The following ZP3 variants were observed in gnomAD, a reference collection of about 807,000 sequenced individuals.
ZP3 encodes the protein zona pellucida sperm-binding protein 3.
In ZP3, 21 loss-of-function variants were observed where a neutral mutation model predicts 35.6. The ratio of observed to expected loss-of-function variants is 0.59; its 90% confidence interval spans 0.42 to 0.85. The LOEUF (loss-of-function observed/expected upper bound fraction) is 0.85. ZP3 is among the 40% of genes least tolerant of loss of function. ZP3 has a pLI of 0.00. For missense variants in ZP3, 437 were observed against 536.5 expected (o/e 0.81, Z 1.83); for synonymous variants, 207 against 214.5 (o/e 0.96, Z 0.31).
chr7:76,436,500 G>A (rs1407177552), intron 5 of ZP3, among the ~76,000 whole-genome samples: 1 of 152,272 alleles, frequency 6.6e-6, no homozygotes, highest in African/African-American at 2.4e-5. Context: ...GGCATTAAGG[G>A]ACAAAGTAGA....
chr7:76,402,157 C>G (rs1804852387), intron 1 of ZP3, among the ~76,000 whole-genome samples: 1 of 150,672 alleles, frequency 6.6e-6, no homozygotes, highest in South Asian at 2.1e-4. Flanking sequence ...ATAGCTGGGA[C>G]AAGCTCCTGC....
intron 1 of ZP3, chr7:76,404,498 T>C (rs1211840991): frequency 6.2e-7 from 1 of 1,612,268 alleles, no homozygotes; most frequent in Non-Finnish European, 8.5e-7. Context: ...AAGTCACAGT[T>C]GGAACATCTG....
intron 1 of ZP3, 98 bp from the exon 2 acceptor site, chr7:76,429,413 TTCTG>T (rs1291514530): frequency 4.9e-5 from 54 of 1,104,984 alleles, no homozygotes; most frequent in Non-Finnish European, 7.5e-5. Context: ...CCTGTGGTCT[TTCTG>T]TCCCCTTGTG....
At chr7:76,436,016 G>A (rs1202457603) in intron 5 of ZP3, among the ~76,000 whole-genome samples, 5 of 125,486 alleles carry the variant, frequency 4.0e-5, no homozygotes, top group African/African-American at 6.0e-5. Flanking sequence ...GAACCACCAC[G>A]CGCCCCCCGC....
chr7:76,398,764 A>C, intron 1 of ZP3: 1 of 1,613,404 alleles, frequency 6.2e-7, no homozygotes. Flanking sequence ...ACTGGTTAAC[A>C]TCTTCCTTGT....
chr7:76,404,314 CAGG>C lies in ZP3; in HGVS notation c.-67+6523_-67+6525del, dbSNP rs1563686222. The C allele has an allele frequency of 6.9e-6, 11 of 1,601,162 alleles. No homozygotes were observed. The South Asian group carries it at 1.2e-4, about 18-fold the overall frequency. ...TAACAGGGGAGGACTCACCCAGTGG[CAGG>C]AGGAGAAGGAAAGACAGGGCTTGGG... On this transcript the variant is annotated intron_variant, in intron 1 of 8. Transcript: ENST00000336517.
chr7:76,428,663 C>T lies in ZP3; in HGVS notation c.313-852C>T, dbSNP rs117798646. The T allele has an allele frequency of 8.7e-3, 1,326 of 152,490 alleles. 6 individuals are homozygous for T. Among genetic ancestry groups the T allele is most frequent in the Admixed American group, 0.014 (210 of 15,232 alleles). 9.4% of individuals were successfully genotyped at this position (152,490 alleles called of 1,614,324 possible). A position where few individuals can be genotyped will look rare whatever the true frequency, so the allele number is the denominator to read the frequency against. On this transcript the variant is annotated intron_variant, in intron 1 of 7. Coordinates refer to ENST00000394857, the MANE Select transcript of ZP3 (RefSeq NM_001110354.2). ...GAAATGGGCTTGAATAGGTTAGAAG[C>T]TGATGTGGGTTGTTGTGTTTTTTGT...
chr7:76,413,713 G>C (rs1475739534), intron 1 of ZP3, among the ~76,000 whole-genome samples: 1 of 151,986 alleles, frequency 6.6e-6, no homozygotes, highest in African/African-American at 2.4e-5. Context: ...GTTGCCCAGG[G>C]TGGAGTGTAG....
chr7:76,439,131 CA>C (rs775953355), intron 5 of ZP3, among the ~76,000 whole-genome samples: 384 of 75,430 alleles, frequency 5.1e-3, no homozygotes, highest in Middle Eastern at 7.2e-3. Context: ...GACTCCACCT[CA>C]AAAAAAAAAA....
intron 1 of ZP3, among the ~76,000 whole-genome samples, chr7:76,407,727 TG>T (rs1805085497): frequency 6.6e-6 from 1 of 152,074 alleles, no homozygotes; most frequent in Non-Finnish European, 1.5e-5. Flanking sequence ...AGTAAGACCC[TG>T]TCTCTAACTA....
intron 1 of ZP3, among the ~76,000 whole-genome samples, chr7:76,419,649 C>T (rs897217664): frequency 3.3e-5 from 5 of 149,734 alleles, no homozygotes; most frequent in African/African-American, 1.2e-4. Context: ...TTTCTTTTCT[C>T]TCTCTCTCTC....
chr7:76,411,013 A>AG (rs1554623387), intron 1 of ZP3, among the ~76,000 whole-genome samples: 4 of 131,140 alleles, frequency 3.1e-5, no homozygotes, highest in East Asian at 2.3e-4. Flanking sequence ...AAAAAAAAAA[A>AG]AAAAGAAAAG....
At chr7:76,420,863 T>A (rs1015110652), upstream of ZP3, among the ~76,000 whole-genome samples, 9 of 151,832 alleles carry the variant, frequency 5.9e-5, no homozygotes, top group African/African-American at 2.2e-4. Flanking sequence ...TTTATATTTA[T>A]GTCTATATAT....
At chr7:76,397,603 G>C (rs139299212) in exon 1 of ZP3, 2 of 1,607,554 alleles carry the variant, frequency 1.2e-6, no homozygotes, top group South Asian at 1.1e-5. Flanking sequence ...GGCGGGGCTC[G>C]CCGCCTTCGC....
intron 1 of ZP3, among the ~76,000 whole-genome samples, chr7:76,413,336 C>A (rs1308199513): frequency 6.6e-6 from 1 of 152,000 alleles, no homozygotes; most frequent in Non-Finnish European, 1.5e-5. Context: ...CTTACTGCAG[C>A]CTCAACCTCT....
exon 1 of ZP3, chr7:76,397,598 G>A: frequency 6.2e-7 from 1 of 1,608,520 alleles, no homozygotes; most frequent in South Asian, 1.1e-5. Flanking sequence ...TGCCAGGCGG[G>A]GCTCGCCGCC....
At chr7:76,397,911 C>T in intron 1 of ZP3, 5 of 1,386,884 alleles carry the variant, frequency 3.6e-6, no homozygotes, top group Non-Finnish European at 4.8e-6. Flanking sequence ...AGCCCGGTGT[C>T]CCAGGATCTA....
chr7:76,436,516 T>C (rs1193922613), intron 5 of ZP3, among the ~76,000 whole-genome samples: 1 of 152,260 alleles, frequency 6.6e-6, no homozygotes, highest in African/African-American at 2.4e-5. Flanking sequence ...GTAGAAACTT[T>C]TCAAAGATGA....
At position 76,401,825 on chromosome 7, in the gene ZP3, C is replaced by T. The variant is rs1034752673; in HGVS notation, c.-67+4028C>T. Among the ~76,000 whole-genome samples, 3 of 152,196 alleles carry T rather than the reference C, an allele frequency of 2.0e-5. No homozygotes were observed. The East Asian group carries it at 5.8e-4, about 29-fold the overall frequency. Reference sequence around the variant, plus strand: ...CCTCTGAATTCCTGGACACCACATACCCAGGCCTCTTTCAGGGCCTTCTCT... The same window carrying T: ...CCTCTGAATTCCTGGACACCACATATCCAGGCCTCTTTCAGGGCCTTCTCT... On this transcript the variant is annotated intron_variant, in intron 1 of 8. Coordinates refer to the ZP3 transcript ENST00000336517.
Sources: gnomAD v4.1 joint callset for allele counts (sites outside exome capture counted in the v4.1 genomes callset) on GRCh38, gnomAD v4.1.1 for gene constraint, MANE v1.5 for transcripts, NCBI Gene and HGNC (gene_info 2026-07-23, HGNC 2026-07-21) for gene names.